The following ABR variants were observed in gnomAD, a reference collection of about 807,000 sequenced individuals.
ABR encodes active breakpoint cluster region-related protein.
In ABR, 35 loss-of-function variants were observed where a neutral mutation model predicts 107.2. The ratio of observed to expected loss-of-function variants is 0.33; its 90% CI spans 0.25 to 0.43. The LOEUF (loss-of-function observed/expected upper bound fraction) is 0.43. Among genes scored for constraint, ABR ranks in the 20% least tolerant of loss-of-function variants. The probability of loss-of-function intolerance (pLI) is 1.00; values close to 1 mark genes in which losing one functional copy is unlikely to be tolerated. For missense variants in ABR, 815 were observed against 1,115.2 expected, an observed-to-expected ratio of 0.73 and a Z score of 3.83; for synonymous variants, 498 against 462.0, an observed-to-expected ratio of 1.08 and a Z score of -1.00.
In ABR at chr17:1,154,157, C is replaced by T. The variant is rs1051624346; in HGVS notation, c.61+25510G>A. 6.6e-6 allele frequency: 1 copy of T among 152,448 alleles called. No individual in the cohort carries two copies. Among genetic ancestry groups the T allele is most frequent in the Non-Finnish European group, 1.5e-5 (1 of 68,214 alleles). 9.4% of individuals were successfully genotyped at this position (152,448 alleles called of 1,614,324 possible). A position where few individuals can be genotyped will look rare whatever the true frequency, so the allele number is the denominator to read the frequency against. Reference sequence around the variant, plus strand: ...AGGGCCAGGAACTGAGCAGCGGGTTCACCTCCCAGGTCCTTCATGATCCTG... The same window carrying T: ...AGGGCCAGGAACTGAGCAGCGGGTTTACCTCCCAGGTCCTTCATGATCCTG... On this transcript the variant is annotated intron_variant, in intron 1 of 22. Transcript: ENST00000302538. The surrounding 1 kb of genome is among the most constrained non-coding windows in gnomAD (Gnocchi z 4.0).
chr17:1,095,306 T>G (rs910000111), intron 3 of ABR, among the ~76,000 whole-genome samples: 60 of 152,266 alleles, frequency 3.9e-4, no homozygotes, highest in African/African-American at 1.3e-3. Context: ...CCACAGCCAG[T>G]CACAAGGACG....
intron 1 of ABR, among the ~76,000 whole-genome samples, chr17:1,146,761 TGACACCACTGCCACCAG>T (rs1378703843): frequency 1.8e-5 from 2 of 112,818 alleles, no homozygotes; most frequent in African/African-American, 6.7e-5. Context: ...CACTGCCACA[TGACACCACTGCCACCAG>T]GCCACCACTG....
chr17:1,072,730 C>T lies in ABR; in HGVS notation c.778G>A (p.Asp260Asn), dbSNP rs2035344269. 6.2e-7 allele frequency: 1 copy of T among 1,613,472 alleles called. No homozygotes were observed. Among genetic ancestry groups the T allele is most frequent in the Non-Finnish European group, 8.5e-7 (1 of 1,179,798 alleles). Residue 260 changes from aspartate to asparagine, a missense_variant, in exon 8 of 23, where the codon GAC becomes AAC. Around this residue, in one of 5 missense-constraint regions of ABR, gnomAD observed 385 missense variants for 596.9 expected, o/e 0.64. Coordinates refer to ENST00000302538, the MANE Select transcript of ABR (RefSeq NM_021962.5). ...LHDLLKHTPV[D>N]HPDYPLLQDA... Reference sequence around the variant, plus strand: ...TGCAGCAGCGGGTAGTCGGGGTGGTCCACAGGTGTGTGCTTCAGCAGGTCC... The same window carrying T: ...TGCAGCAGCGGGTAGTCGGGGTGGTTCACAGGTGTGTGCTTCAGCAGGTCC...
At chr17:1,062,117 A>G (rs1392825437) in intron 10 of ABR, among the ~76,000 whole-genome samples, 1 of 152,186 alleles carries the variant, frequency 6.6e-6, no homozygotes, top group African/African-American at 2.4e-5. Context: ...AAAACAGACC[A>G]AGCTGACCAA....
intron 1 of ABR, among the ~76,000 whole-genome samples, chr17:1,132,090 C>T (rs1218923740): frequency 2.0e-5 from 3 of 152,106 alleles, no homozygotes; most frequent in Non-Finnish European, 4.4e-5. Flanking sequence ...CGGTGGCTCA[C>T]GCCTGTCATC....
intron 2 of ABR, among the ~76,000 whole-genome samples, chr17:1,116,022 T>C (rs1195464622): frequency 7.0e-6 from 1 of 142,574 alleles, no homozygotes; most frequent in Non-Finnish European, 1.5e-5. Flanking sequence ...AGGTTGGGAG[T>C]TCAAGACCAG....
intron 11 of ABR, 104 bp downstream of exon 11, chr17:1,058,641 G>A (rs2033606592): frequency 4.9e-6 from 7 of 1,419,976 alleles, no homozygotes; most frequent in African/African-American, 1.4e-5. Context: ...CAGGAAGAGG[G>A]GGCCTGAGTT....
chr17:1,166,368 TC>T (rs2041506836), intron 1 of ABR, among the ~76,000 whole-genome samples: 2 of 151,980 alleles, frequency 1.3e-5, no homozygotes, highest in South Asian at 4.1e-4. Flanking sequence ...AGCGTCCTCT[TC>T]ACCTGGCTGA....
chr17:1,066,419 G>C (rs868541689), intron 10 of ABR, among the ~76,000 whole-genome samples: 16 of 152,148 alleles, frequency 1.1e-4, no homozygotes, highest in Middle Eastern at 3.4e-3. Flanking sequence ...TTATTTATTT[G>C]CCTACTTGAT....
intron 1 of ABR, among the ~76,000 whole-genome samples, chr17:1,142,742 C>A (rs993417539): frequency 6.6e-6 from 1 of 152,112 alleles, no homozygotes; most frequent in Admixed American, 6.5e-5. Context: ...ACAAGACGGA[C>A]GGAAAGGGCT....
chr17:1,116,626 G>C (rs911259707), intron 2 of ABR, among the ~76,000 whole-genome samples: 1 of 152,138 alleles, frequency 6.6e-6, no homozygotes, highest in African/African-American at 2.4e-5. Context: ...CAGCGATGAC[G>C]GGACCCAGGG....
chr17:1,069,926 G>A (rs371647558), intron 9 of ABR, 43 bp downstream of exon 9: 228 of 1,152,962 alleles, frequency 2.0e-4, no homozygotes, highest in Middle Eastern at 1.4e-3. Context: ...GCAGAGGTCC[G>A]GACCCCCTCC....
intron 2 of ABR, among the ~76,000 whole-genome samples, chr17:1,117,786 T>C (rs1356598057): frequency 1.1e-3 from 56 of 52,246 alleles, no homozygotes; most frequent in East Asian, 1.4e-3. Context: ...GCCTGAGTTC[T>C]CCCCAGCGTT....
chr17:1,224,530 G>C (rs2043179351), intron 1 of ABR, among the ~76,000 whole-genome samples: 1 of 152,176 alleles, frequency 6.6e-6, no homozygotes, highest in African/African-American at 2.4e-5. Context: ...TCTGAATGCA[G>C]ATAATGAGTG....
At chr17:1,183,553 C>G (rs901103466), upstream of ABR, among the ~76,000 whole-genome samples, 2 of 152,184 alleles carry the variant, frequency 1.3e-5, no homozygotes, top group Non-Finnish European at 2.9e-5. Context: ...ACTCTTGCTT[C>G]TACCAATCAA....
At chr17:1,013,382 C>T (rs2150747261) in intron 16 of ABR, among the ~76,000 whole-genome samples, 1 of 147,398 alleles carries the variant, frequency 6.8e-6, no homozygotes. Context: ...CACCCTGTTA[C>T]CCGCCGTGGG....
chr17:1,173,694 C>T (rs554997715), intron 1 of ABR, among the ~76,000 whole-genome samples: 1 of 152,152 alleles, frequency 6.6e-6, no homozygotes, highest in African/African-American at 2.4e-5. Context: ...GCCAAGAACT[C>T]GAGTTTTCTT....
At chr17:1,137,735 A>G (rs2040137070) in intron 1 of ABR, among the ~76,000 whole-genome samples, 1 of 152,224 alleles carries the variant, frequency 6.6e-6, no homozygotes, top group Admixed American at 6.5e-5. Context: ...TTGAAGCTCA[A>G]CTAAGCATGG....
intron 3 of ABR, among the ~76,000 whole-genome samples, chr17:1,099,976 A>C (rs2037752503): frequency 6.6e-6 from 1 of 152,102 alleles, no homozygotes; most frequent in Non-Finnish European, 1.5e-5. Context: ...AAATACAAAA[A>C]TTAGCCAGGA....
Sources: allele counts gnomAD v4.1 joint callset (sites outside exome capture counted in the v4.1 genomes callset), GRCh38; gene constraint gnomAD v4.1.1; regional missense constraint gnomAD v4.1.1; non-coding constraint Gnocchi (gnomAD v3.1); transcripts MANE v1.5; gene names NCBI Gene and HGNC (gene_info 2026-07-23, HGNC 2026-07-21).